The following CBFA2T3 variants were observed in gnomAD, a reference collection of about 807,000 sequenced individuals.
CBFA2T3 encodes CBFA2/RUNX1 partner transcriptional co-repressor 3, also known as transcriptional corepressor CBFA2T3.
Under a neutral mutation model 58.6 loss-of-function variants are expected in CBFA2T3, and 31 were observed. The observed-to-expected ratio is 0.53, with a 90% CI of 0.40 to 0.71. CBFA2T3 has a LOEUF of 0.71. CBFA2T3 is among the 30% of genes least tolerant of loss of function. The pLI is 0.00. For synonymous variants in CBFA2T3, 531 were observed against 421.9 expected, an observed-to-expected ratio of 1.26 and a Z score of -3.17; for missense variants, 1,076 against 963.1, an observed-to-expected ratio of 1.12 and a Z score of -1.55.
At chr16:88,898,483 T>TG (rs904836961) in intron 2 of CBFA2T3, among the ~76,000 whole-genome samples, 1 of 152,090 alleles carries the variant, frequency 6.6e-6, no homozygotes, top group Non-Finnish European at 1.5e-5. Flanking sequence ...TCTCTGAGAG[T>TG]GGGTGATCCC....
At chr16:88,904,823 C>T (rs1287392304) in intron 1 of CBFA2T3, among the ~76,000 whole-genome samples, 3 of 152,186 alleles carry the variant, frequency 2.0e-5, no homozygotes, top group Admixed American at 6.5e-5. Flanking sequence ...AGAGCCTCTT[C>T]CCCTCTCTGA....
intron 1 of CBFA2T3, among the ~76,000 whole-genome samples, chr16:88,960,933 T>C (rs1972339508): frequency 6.6e-6 from 1 of 152,262 alleles, no homozygotes; most frequent in South Asian, 2.1e-4. Flanking sequence ...AACTGATTTT[T>C]AGTGCATGTC....
intron 1 of CBFA2T3, among the ~76,000 whole-genome samples, chr16:88,922,815 A>G (rs1970964719): frequency 6.6e-6 from 1 of 152,126 alleles, no homozygotes; most frequent in Non-Finnish European, 1.5e-5. Context: ...GTGGTTTCAC[A>G]TGGCCAACAA....
intron 1 of CBFA2T3, among the ~76,000 whole-genome samples, chr16:88,928,153 C>T (rs1009378253): frequency 1.3e-5 from 2 of 152,202 alleles, no homozygotes; most frequent in Admixed American, 6.5e-5. Context: ...CTCCTTGGCC[C>T]GAGGGTCTCT....
intron 3 of CBFA2T3, among the ~76,000 whole-genome samples, chr16:88,894,429 A>G (rs1192737715): frequency 4.7e-5 from 5 of 106,794 alleles, no homozygotes; most frequent in Non-Finnish European, 8.9e-5. Flanking sequence ...ACATATACAC[A>G]TGCACACAAT....
intron 7 of CBFA2T3, 112 bp downstream of exon 7, chr16:88,884,933 CA>C: frequency 1.3e-6 from 1 of 762,212 alleles, no homozygotes; most frequent in East Asian, 3.0e-5. Context: ...CTCCCGAGCT[CA>C]GGTGCACACA....
In CBFA2T3 at chr16:88,977,102, C is replaced by G; in HGVS notation, c.-295G>C. On this transcript the variant is annotated 5_prime_UTR_variant, in exon 1 of 12. Coordinates refer to ENST00000268679, the MANE Select transcript of CBFA2T3 (RefSeq NM_005187.6). ...CGGGTGAGGCAGCCAGCTGTGTCCC[C>G]GTGATAATGCCGGGGCCGGAGGCCT... 1 of 352,284 alleles carries G rather than the reference C, an allele frequency of 2.8e-6. No individual in the cohort carries two copies. Among genetic ancestry groups the G allele is most frequent in the Admixed American group, 4.2e-5 (1 of 23,960 alleles). 21.8% of individuals were successfully genotyped at this position (352,284 alleles called of 1,614,324 possible).
In CBFA2T3 at chr16:88,879,326, G is replaced by C. The variant is rs748831977; in HGVS notation, c.1606C>G (p.Arg536Gly). ...GTCAGGGCGTCCTCGGAGGCCTGCCGCTTCGCCTCGGCCAGGGCCCGCTCC... is the reference window on the plus strand; with the variant it reads ...GTCAGGGCGTCCTCGGAGGCCTGCCCCTTCGCCTCGGCCAGGGCCCGCTCC... ...KMERALAEAK[R>G]QASEDALTVI... The change falls in exon 11 of 12, where the codon CGG becomes GGG. Residue 536 changes from arginine to glycine, a missense_variant. Transcript: ENST00000268679. 1 of 1,610,816 alleles carries C rather than the reference G, an allele frequency of 6.2e-7. No individual in the cohort carries two copies. The highest frequency in any genetic ancestry group is 8.5e-7 in the Non-Finnish European group (1 of 1,178,616).
chr16:88,925,100 G>A (rs1022194171), intron 1 of CBFA2T3, among the ~76,000 whole-genome samples: 3 of 152,254 alleles, frequency 2.0e-5, no homozygotes, highest in African/African-American at 7.2e-5. Flanking sequence ...GAATCACACA[G>A]CAACGGCCTC....
chr16:88,952,379 A>T (rs1056598597), intron 1 of CBFA2T3, among the ~76,000 whole-genome samples: 18 of 150,932 alleles, frequency 1.2e-4, no homozygotes, highest in Non-Finnish European at 2.1e-4. Context: ...CCACAGGGTG[A>T]GGGAGCTGCC....
chr16:88,975,000 G>A (rs1477564459), intron 1 of CBFA2T3, among the ~76,000 whole-genome samples: 1 of 151,396 alleles, frequency 6.6e-6, no homozygotes, highest in African/African-American at 2.4e-5. Context: ...GCCCCTAGAA[G>A]CCAGGGGCAG....
At chr16:88,891,204 G>A (rs1567584190) in intron 5 of CBFA2T3, among the ~76,000 whole-genome samples, 1 of 151,854 alleles carries the variant, frequency 6.6e-6, no homozygotes, top group Admixed American at 6.6e-5. Context: ...TCCACCCCAC[G>A]TATTCTGTTC....
At chr16:88,888,913 C>A (rs1167680256) in intron 5 of CBFA2T3, among the ~76,000 whole-genome samples, 8 of 151,912 alleles carry the variant, frequency 5.3e-5, no homozygotes, top group Admixed American at 3.9e-4. Flanking sequence ...CTCACGAGAG[C>A]CGGGCCGCGG....
chr16:88,921,402 G>C (rs1001894005), intron 1 of CBFA2T3, among the ~76,000 whole-genome samples: 1 of 152,238 alleles, frequency 6.6e-6, no homozygotes, highest in Non-Finnish European at 1.5e-5. Flanking sequence ...TGGCAGGATC[G>C]GAAATGTGTC....
chr16:88,943,728 C>T (rs541154654), intron 1 of CBFA2T3, among the ~76,000 whole-genome samples: 37 of 152,300 alleles, frequency 2.4e-4, no homozygotes, highest in Admixed American at 2.1e-3. Flanking sequence ...GGCTGAGCCT[C>T]TCAGCCACAC....
At chr16:88,896,732 C>CG (rs1288019313) in intron 3 of CBFA2T3, among the ~76,000 whole-genome samples, 1 of 152,192 alleles carries the variant, frequency 6.6e-6, no homozygotes, top group African/African-American at 2.4e-5. Flanking sequence ...GGACTGTGGA[C>CG]CTTCCAGCAG....
At chr16:88,902,958 C>T (rs908492746) in intron 1 of CBFA2T3, among the ~76,000 whole-genome samples, 8 of 152,120 alleles carry the variant, frequency 5.3e-5, no homozygotes, top group African/African-American at 9.7e-5. Flanking sequence ...GTCTCACCCA[C>T]GACTGCCCTG....
intron 9 of CBFA2T3, 85 bp from the exon 10 acceptor site, chr16:88,880,873 G>GCACTCAGGGCCC: frequency 7.9e-7 from 1 of 1,266,286 alleles, no homozygotes; most frequent in Non-Finnish European, 1.1e-6. Context: ...GCTGGGCCCT[G>GCACTCAGGGCCC]AGTGCAGGGC....
In CBFA2T3 at chr16:88,883,028, C is replaced by A. The variant is rs533639561; in HGVS notation, c.1118-267G>T. Among the ~76,000 whole-genome samples the A allele has an allele frequency of 1.3e-4, 20 of 152,332 alleles. No individual in the cohort carries two copies. In the South Asian group the frequency reaches 4.1e-3, roughly 32 times the overall value. ...GTTCAGTCTCAGTCCCATTCTGCAG[C>A]TGAGGAAACTGAGGCTGGTTAAGAG... On this transcript the variant is annotated intron_variant, in intron 7 of 11. Coordinates refer to ENST00000268679, the MANE Select transcript of CBFA2T3 (RefSeq NM_005187.6).
Sources: allele counts gnomAD v4.1 joint callset (sites outside exome capture counted in the v4.1 genomes callset), GRCh38; gene constraint gnomAD v4.1.1; transcripts MANE v1.5; gene names NCBI Gene and HGNC (gene_info 2026-07-23, HGNC 2026-07-21).